Variants in HPSE observed in about 807,000 individuals in gnomAD.
HPSE encodes the protein endo-glucoronidase.
HPSE carries 48 observed loss-of-function variants against 65.1 expected under a neutral mutation model. The ratio of observed to expected loss-of-function variants is 0.74; its 90% CI spans 0.58 to 0.94. HPSE has a LOEUF of 0.94. HPSE is among the 40% of genes least tolerant of loss of function. HPSE has a pLI of 0.00. For synonymous variants in HPSE, 243 were observed against 260.0 expected, an observed-to-expected ratio of 0.93 and a Z score of 0.63; for missense variants, 644 against 637.5, an observed-to-expected ratio of 1.01 and a Z score of -0.11.
Position 83,302,228 on chromosome 4 carries a change from G to T in HPSE, c.1247C>A (p.Thr416Asn). ...LSLLFKKLVG[T>N]KVLMASVQGS... The stretch of plus-strand genomic sequence containing the variant: ...TTGCACGCTTGCCATTAACACCTTG[G>T]TGCCCACCAATTTCTTGAACAGAAG... The change falls in exon 10 of 12, where the codon ACC (threonine) becomes AAC (asparagine). Residue 416 changes from threonine (T) to asparagine (N), a missense_variant. Coordinates refer to ENST00000311412, the MANE Select transcript of HPSE (RefSeq NM_001098540.3). 6.2e-7 allele frequency: 1 copy of T among 1,613,772 alleles called. No homozygotes were observed. The highest frequency in any genetic ancestry group is 8.5e-7 in the Non-Finnish European group (1 of 1,179,800).
chr4:83,319,564 G>A (rs768197478), intron 2 of HPSE, 95 bp from the exon 3 acceptor site: 1 of 1,276,448 alleles, frequency 7.8e-7, no homozygotes, highest in East Asian at 2.4e-5. Flanking sequence ...TGTGACTAAA[G>A]CAGGATAATT....
At chr4:83,317,666 A>C (rs1350075781) in intron 3 of HPSE, among the ~76,000 whole-genome samples, 2 of 152,162 alleles carry the variant, frequency 1.3e-5, no homozygotes, top group Non-Finnish European at 2.9e-5. Context: ...TAAAGTAGTA[A>C]AACTTTCTTA....
At chr4:83,314,973 T>C (rs1189174264) in intron 3 of HPSE, among the ~76,000 whole-genome samples, 2 of 151,900 alleles carry the variant, frequency 1.3e-5, no homozygotes, top group Non-Finnish European at 2.9e-5. Flanking sequence ...CTGCCCAATA[T>C]GGTGAAACCC....
chr4:83,302,396 T>C, intron 9 of HPSE, 128 bp from the exon 10 acceptor site: 4 of 617,504 alleles, frequency 6.5e-6, no homozygotes, highest in Middle Eastern at 3.2e-4. Flanking sequence ...GGCATTTAAA[T>C]AGGATTCATC....
chr4:83,308,952 C>G lies in HPSE; in HGVS notation c.985-1G>C. On this transcript the variant is annotated splice_acceptor_variant, in intron 7 of 11. Transcript: ENST00000311412. LOFTEE classifies it high-confidence loss of function. ...TGCCAGGCCTGGTGCTCTCAACCAC[C>G]TATAGAACAGAAAAGTATCCATGGT... 6.2e-7 allele frequency: 1 copy of G among 1,613,338 alleles called. No homozygotes were observed. The highest frequency in any genetic ancestry group is 8.5e-7 in the Non-Finnish European group (1 of 1,179,320).
At chr4:83,298,090 T>A (rs1183798096) in intron 11 of HPSE, among the ~76,000 whole-genome samples, 1 of 152,234 alleles carries the variant, frequency 6.6e-6, no homozygotes, top group Non-Finnish European at 1.5e-5. Context: ...GCTACACATA[T>A]ATCAAGGGTA....
At chr4:83,323,723 C>G (rs1737018088) in intron 1 of HPSE, among the ~76,000 whole-genome samples, 1 of 152,166 alleles carries the variant, frequency 6.6e-6, no homozygotes, top group African/African-American at 2.4e-5. Flanking sequence ...ATCACTGACA[C>G]CTCTAATTTG....
intron 11 of HPSE, among the ~76,000 whole-genome samples, chr4:83,298,420 T>G (rs1457438558): frequency 1.3e-5 from 2 of 151,482 alleles, no homozygotes; most frequent in Non-Finnish European, 2.9e-5. Flanking sequence ...CAGGATTGCG[T>G]GAGTCCAGGA....
chr4:83,293,097 C>T lies in HPSE; in HGVS notation c.*2247G>A, dbSNP rs1415049087. On this transcript the variant is annotated 3_prime_UTR_variant, in exon 12 of 12. Coordinates refer to ENST00000311412, the MANE Select transcript of HPSE (RefSeq NM_001098540.3). ...AGAGGGGAAAATAATTACATTTTTTCACTGGTAAAAAGCGCAGAACTGCAG... is the reference window on the plus strand; with the variant it reads ...AGAGGGGAAAATAATTACATTTTTTTACTGGTAAAAAGCGCAGAACTGCAG... 6.6e-6 allele frequency: 1 copy of T among 152,084 alleles called. No individual in the cohort carries two copies. Among genetic ancestry groups the T allele is most frequent in the African/African-American group, 2.4e-5 (1 of 41,426 alleles). The allele number at this position is 152,084 out of a possible 1,614,324, so 9.4% of individuals were successfully genotyped here.
intron 11 of HPSE, among the ~76,000 whole-genome samples, chr4:83,296,930 G>T (rs1431467104): frequency 6.6e-6 from 1 of 152,098 alleles, no homozygotes; most frequent in Non-Finnish European, 1.5e-5. Context: ...CATGTATACA[G>T]TCATATGCCA....
intron 7 of HPSE, 91 bp downstream of exon 7, chr4:83,309,309 CAT>C (rs1186534426): frequency 7.2e-6 from 5 of 698,274 alleles, no homozygotes; most frequent in Non-Finnish European, 1.2e-5. Flanking sequence ...ATTAGAAAAA[CAT>C]GTAAATATAC....
At chr4:83,322,789 TTGTGTGTGTGTGTGTGTGTG>T (rs386400677) in intron 1 of HPSE, among the ~76,000 whole-genome samples, 13 of 104,062 alleles carry the variant, frequency 1.2e-4, no homozygotes, top group African/African-American at 4.4e-4. Context: ...AAGAGCTTGT[TTGTGTGTGTGTGTGTGTGTG>T]TGTGTGTGTG....
chr4:83,298,362 T>C (rs996611308), intron 11 of HPSE, among the ~76,000 whole-genome samples: 8 of 152,142 alleles, frequency 5.3e-5, no homozygotes, highest in African/African-American at 1.9e-4. Flanking sequence ...TCAGCCCAGA[T>C]GAGGTGGGTC....
intron 1 of HPSE, among the ~76,000 whole-genome samples, chr4:83,331,129 G>A (rs546199561): frequency 2.0e-4 from 31 of 152,146 alleles, no homozygotes; most frequent in African/African-American, 7.2e-4. Flanking sequence ...ACTTGAACCC[G>A]GGAGGCGGAG....
chr4:83,316,735 C>T (rs1341315401), intron 3 of HPSE, among the ~76,000 whole-genome samples: 1 of 152,148 alleles, frequency 6.6e-6, no homozygotes, highest in East Asian at 1.9e-4. Context: ...GCTTCCTTTT[C>T]CTGCTCAAAC....
chr4:83,332,106 T>C (rs1737397130), intron 1 of HPSE, among the ~76,000 whole-genome samples: 1 of 152,236 alleles, frequency 6.6e-6, no homozygotes, highest in African/African-American at 2.4e-5. Context: ...TGTGTCCTCC[T>C]CTCTTTCCTT....
chr4:83,309,966 G>C, intron 6 of HPSE, 65 bp downstream of exon 6: 1 of 1,178,476 alleles, frequency 8.5e-7, no homozygotes, highest in Non-Finnish European at 1.2e-6. Flanking sequence ...CTAACTTTTT[G>C]AATACTAGGT....
intron 9 of HPSE, among the ~76,000 whole-genome samples, chr4:83,305,272 T>C (rs529814322): frequency 5.9e-5 from 9 of 152,238 alleles, no homozygotes; most frequent in Non-Finnish European, 1.3e-4. Flanking sequence ...GAAATTACTA[T>C]GCTTAGTTTA....
rs1163671268 is a variant in HPSE, at chr4:83,293,129, G to A, written c.*2215C>T. On this transcript the variant is annotated 3_prime_UTR_variant, in exon 12 of 12. Transcript: ENST00000311412. ...AAAAAGCGCAGAACTGCAGTGTTCAGTTTGTAGACTGACCAACACCCTCTC... is the reference window on the plus strand; with the variant it reads ...AAAAAGCGCAGAACTGCAGTGTTCAATTTGTAGACTGACCAACACCCTCTC... The A allele has an allele frequency of 6.6e-6, 1 of 152,214 alleles. No homozygotes were observed. Among genetic ancestry groups the A allele is most frequent in the Non-Finnish European group, 1.5e-5 (1 of 68,038 alleles). The allele number at this position is 152,214 out of a possible 1,614,324, so 9.4% of individuals were successfully genotyped here. A position where few individuals can be genotyped will look rare whatever the true frequency, so the allele number is the denominator to read the frequency against.
Sources: gnomAD v4.1 joint callset for allele counts (sites outside exome capture counted in the v4.1 genomes callset) on GRCh38, gnomAD v4.1.1 for gene constraint, MANE v1.5 for transcripts, NCBI Gene and HGNC (gene_info 2026-07-23, HGNC 2026-07-21) for gene names.